The following ANKS1B variants were observed in gnomAD, a reference collection of about 807,000 sequenced individuals.
ANKS1B encodes ankyrin repeat and sterile alpha motif domain-containing protein 1B.
In ANKS1B, 36 loss-of-function variants were observed where a neutral mutation model predicts 148.3. The observed-to-expected ratio is 0.24, with a 90% CI of 0.19 to 0.32. The LOEUF is 0.32. Ranked by LOEUF, ANKS1B falls within the 10% of genes least tolerant of loss-of-function variation. The pLI is 1.00. For missense variants in ANKS1B, 1,157 were observed against 1,542.6 expected (o/e 0.75, Z 4.19); for synonymous variants, 542 against 560.8 (o/e 0.97, Z 0.47).
intron 8 of ANKS1B, among the ~76,000 whole-genome samples, chr12:99,696,149 A>G (rs777385080): frequency 5.3e-5 from 8 of 152,222 alleles, no homozygotes; most frequent in Non-Finnish European, 1.0e-4. Flanking sequence ...TAGATTCATA[A>G]ATTTCACAAT....
In ANKS1B at chr12:98,868,115, T is replaced by C. The variant is rs139433511; in HGVS notation, c.2779-35979A>G. Among the ~76,000 whole-genome samples the C allele has an allele frequency of 4.6e-5, 7 of 152,290 alleles. No individual in the cohort carries two copies. In the East Asian group the frequency reaches 5.8e-4, roughly 13 times the overall value. On this transcript the variant is annotated intron_variant, in intron 17 of 26. Coordinates refer to ENST00000683438, the MANE Select transcript of ANKS1B (RefSeq NM_001352186.2). ...ACCACTGATTAAAACACATTCTGCA[T>C]TGATTGATTAATAAACAGGTTTCAG... is the stretch of plus-strand genomic sequence containing the variant.
chr12:99,773,688 T>C (rs1464597446), intron 7 of ANKS1B, among the ~76,000 whole-genome samples: 1 of 152,130 alleles, frequency 6.6e-6, no homozygotes, highest in Non-Finnish European at 1.5e-5. Context: ...ATACCTGTAA[T>C]TTATTCTGAA....
At chr12:99,332,771 G>A (rs1278687263) in intron 12 of ANKS1B, among the ~76,000 whole-genome samples, 1 of 151,868 alleles carries the variant, frequency 6.6e-6, no homozygotes, top group Admixed American at 6.6e-5. Context: ...TAGAAAGAAG[G>A]GTGTACAAGG....
At chr12:99,319,585 G>T (rs2084840912) in intron 12 of ANKS1B, among the ~76,000 whole-genome samples, 1 of 152,132 alleles carries the variant, frequency 6.6e-6, no homozygotes. Flanking sequence ...CACGTGAGAT[G>T]GGTTTCCTGA....
At chr12:99,082,384 G>A (rs1346933510) in intron 16 of ANKS1B, among the ~76,000 whole-genome samples, 1 of 152,158 alleles carries the variant, frequency 6.6e-6, no homozygotes, top group Non-Finnish European at 1.5e-5. Context: ...ATGTATAGGA[G>A]CAAGTGTATG....
chr12:98,831,630 G>A (rs903753114), intron 18 of ANKS1B: 1 of 159,786 alleles, frequency 6.3e-6, no homozygotes, highest in African/African-American at 2.4e-5. Context: ...TTTTGATTGT[G>A]TCAAACAATC....
At position 99,936,465 on chromosome 12, in the gene ANKS1B, G is replaced by A. The variant is rs959827817; in HGVS notation, c.134+47639C>T. On this transcript the variant is annotated intron_variant, in intron 1 of 26. Transcript: ENST00000683438. ...AGTTCAGGACCAGCCTGGCCAATATGGCAAGACCCCATCTCTTAAAAAAAT... is the reference window on the plus strand; with the variant it reads ...AGTTCAGGACCAGCCTGGCCAATATAGCAAGACCCCATCTCTTAAAAAAAT... Among the ~76,000 whole-genome samples, 9 of 152,214 alleles carry A rather than the reference G, an allele frequency of 5.9e-5. No individual in the cohort carries two copies. The East Asian group carries it at 1.7e-3, about 29-fold the overall frequency.
chr12:99,406,256 A>T (rs1294996131), intron 11 of ANKS1B, among the ~76,000 whole-genome samples: 1 of 146,024 alleles, frequency 6.8e-6, no homozygotes, highest in Non-Finnish European at 1.5e-5. Context: ...TCTCAAAGAT[A>T]GACCATTTGT....
Position 99,772,918 on chromosome 12 carries a change from T to G in ANKS1B, c.1128+4A>C. The G allele has an allele frequency of 6.2e-7, 1 of 1,609,254 alleles. No homozygotes were observed. On this transcript the variant is annotated splice_donor_region_variant and intron_variant, in intron 8 of 26. Transcript: ENST00000683438. ...TTATCTTCATTCCCCCCCGCCTTAC[T>G]TACTACACTCTGGCTTCCATTTTTC...
In ANKS1B at chr12:99,244,359, ATCTCT is replaced by A; in HGVS notation, c.2397_2401del (p.Lys799AsnfsTer4). 6.2e-7 allele frequency: 1 copy of A among 1,607,238 alleles called. No individual in the cohort carries two copies. Among genetic ancestry groups the A allele is most frequent in the Non-Finnish European group, 8.5e-7 (1 of 1,177,358 alleles). On this transcript the variant is annotated frameshift_variant, in exon 14 of 27. Transcript: ENST00000683438. LOFTEE classifies it high-confidence loss of function. The stretch of plus-strand genomic sequence containing the variant: ...TGCCTTACTTGTGGTCTCACCATTC[ATCTCT>A]TTAAGTTCGTTGTTGATTCCAACAT...
In ANKS1B at chr12:99,962,827, T is replaced by C. The variant is rs570469136; in HGVS notation, c.134+21277A>G. 7.1e-4 allele frequency among the ~76,000 whole-genome samples: 107 copies of C among 150,034 alleles called. No individual in the cohort carries two copies. In the South Asian group the frequency reaches 0.022, roughly 31 times the overall value. ...ATGTTGAGCTTTTTTTTTTTTTTTTTTTTTGAGACGGAGTCTCGCTCTGTC... is the reference window on the plus strand; with the variant it reads ...ATGTTGAGCTTTTTTTTTTTTTTTTCTTTTGAGACGGAGTCTCGCTCTGTC... On this transcript the variant is annotated intron_variant, in intron 1 of 26. Coordinates refer to ENST00000683438, the MANE Select transcript of ANKS1B (RefSeq NM_001352186.2).
chr12:99,047,954 T>C (rs1409546253), intron 17 of ANKS1B, among the ~76,000 whole-genome samples: 3 of 152,194 alleles, frequency 2.0e-5, no homozygotes, highest in Admixed American at 2.0e-4. Flanking sequence ...AGAAGGGCCT[T>C]GTGCTAGCTT....
intron 12 of ANKS1B, among the ~76,000 whole-genome samples, chr12:99,383,528 C>T (rs2093729548): frequency 6.6e-6 from 1 of 152,200 alleles, no homozygotes; most frequent in African/African-American, 2.4e-5. Flanking sequence ...TTTGCCAAAC[C>T]TGCCACTGTT....
At chr12:98,815,569 T>C (rs1428405202) in intron 19 of ANKS1B, among the ~76,000 whole-genome samples, 1 of 152,184 alleles carries the variant, frequency 6.6e-6, no homozygotes, top group Non-Finnish European at 1.5e-5. Context: ...TGCTTCTCCT[T>C]TTGCATTTAT....
intron 10 of ANKS1B, among the ~76,000 whole-genome samples, chr12:99,491,238 G>T (rs1472599503): frequency 6.6e-6 from 1 of 152,020 alleles, no homozygotes; most frequent in Admixed American, 6.6e-5. Flanking sequence ...CTGGGAGGCG[G>T]AGCTTGCAGT....
chr12:99,025,440 A>G (rs950055587), intron 17 of ANKS1B, among the ~76,000 whole-genome samples: 1 of 152,212 alleles, frequency 6.6e-6, no homozygotes, highest in Admixed American at 6.5e-5. Context: ...AGAAAAACGG[A>G]TCGTCATGAA....
chr12:98,884,713 G>A (rs915080804), intron 17 of ANKS1B, among the ~76,000 whole-genome samples: 4 of 151,300 alleles, frequency 2.6e-5, no homozygotes, highest in Non-Finnish European at 5.9e-5. Flanking sequence ...GCAGGAGAAT[G>A]GCGTGAACCC....
At chr12:98,938,663 G>T (rs1421407793) in intron 17 of ANKS1B, among the ~76,000 whole-genome samples, 2 of 152,250 alleles carry the variant, frequency 1.3e-5, no homozygotes, top group African/African-American at 4.8e-5. Context: ...ACAAATTGCA[G>T]TTATTTATTG....
chr12:99,318,117 T>C (rs746766840), intron 12 of ANKS1B, among the ~76,000 whole-genome samples: 1 of 152,234 alleles, frequency 6.6e-6, no homozygotes, highest in Non-Finnish European at 1.5e-5. Flanking sequence ...AATATTGGTC[T>C]AAAATTCTCT....
Sources: gnomAD v4.1 joint callset for allele counts (sites outside exome capture counted in the v4.1 genomes callset) on GRCh38, gnomAD v4.1.1 for gene constraint, MANE v1.5 for transcripts, NCBI Gene and HGNC (gene_info 2026-07-23, HGNC 2026-07-21) for gene names.